The following DISP3 variants were observed in gnomAD, a reference collection of about 807,000 sequenced individuals.
The protein encoded by DISP3 is protein dispatched homolog 3.
DISP3 carries 101 observed loss-of-function variants against 135.3 expected under a neutral mutation model. That is an observed-to-expected ratio of 0.75 (90% CI 0.64 to 0.88). The LOEUF (loss-of-function observed/expected upper bound fraction) is 0.88. DISP3 is among the 40% of genes least tolerant of loss of function. DISP3 has a pLI of 0.00. For synonymous variants in DISP3, 856 were observed against 817.0 expected (o/e 1.05, Z -0.81); for missense variants, 1,713 against 1,878.6 (o/e 0.91, Z 1.63).
chr1:11,492,121 CAA>C (rs59755389), intron 1 of DISP3, among the ~76,000 whole-genome samples: 85 of 62,146 alleles, frequency 1.4e-3, no homozygotes, highest in Middle Eastern at 9.6e-3. Flanking sequence ...GACTCCGTCT[CAA>C]AAAAAAAAAA....
In DISP3 at chr1:11,529,426, T is replaced by C; in HGVS notation, c.2799-130T>C. 8.8e-7 allele frequency: 1 copy of C among 1,131,428 alleles called. No individual in the cohort carries two copies. Among genetic ancestry groups the C allele is most frequent in the Non-Finnish European group, 1.3e-6 (1 of 797,836 alleles). The allele number at this position is 1,131,428 out of a possible 1,614,324, so 70.1% of individuals were successfully genotyped here. Reference sequence around the variant, plus strand: ...CCCTCAACCTGAGAACAAATCCCCATGCCGGGGCAGAGCCCGAGTCCAGAC... The same window carrying C: ...CCCTCAACCTGAGAACAAATCCCCACGCCGGGGCAGAGCCCGAGTCCAGAC... On this transcript the variant is annotated intron_variant, in intron 13 of 20. Transcript: ENST00000294484. This position sits in a 1 kb window ranked among gnomAD's most constrained non-coding sequence, Gnocchi z 4.7.
At chr1:11,498,647 A>G (rs1017165463) in intron 1 of DISP3, among the ~76,000 whole-genome samples, 2 of 152,186 alleles carry the variant, frequency 1.3e-5, no homozygotes, top group African/African-American at 2.4e-5. Context: ...TGTTGCAGCC[A>G]TCTTTGGAAA....
In DISP3 at chr1:11,529,619, T is replaced by G. The variant is rs1334182035; in HGVS notation, c.2862T>G (p.Pro954=). Residue 954 remains proline, a synonymous_variant, in exon 14 of 21, where the codon CCT becomes CCG. Coordinates refer to ENST00000294484, the MANE Select transcript of DISP3 (RefSeq NM_020780.2). The surrounding 1 kb of genome is among the most constrained non-coding windows in gnomAD (Gnocchi z 4.7). ...ACGGGCGCGTATGCATGGCACCCCC[T>G]GGCTGCCTGCTTAGCTCCAGCCCCG... The part of the protein sequence containing the change: ...PFHGRVCMAP[P]GCLLSSSPDG... The G allele has an allele frequency of 9.9e-6, 16 of 1,609,082 alleles. 1 individual carries two copies. In the South Asian group the frequency reaches 1.6e-4, roughly 17 times the overall value.
Position 11,519,356 on chromosome 1 carries a change from T to G in DISP3, c.1891T>G (p.Cys631Gly), listed in dbSNP as rs765263978. 3 of 1,613,588 alleles carry G rather than the reference T, an allele frequency of 1.9e-6. No homozygotes were observed. The South Asian group carries it at 3.3e-5, about 18-fold the overall frequency. The change falls in exon 8 of 21, where the codon TGC (cysteine) becomes GGC (glycine). Residue 631 changes from cysteine (C) to glycine (G), a missense_variant and splice_region_variant. Cys to Gly is a radical substitution (Grantham distance 159). Coordinates refer to ENST00000294484, the MANE Select transcript of DISP3 (RefSeq NM_020780.2). This position sits in a 1 kb window ranked among gnomAD's most constrained non-coding sequence, Gnocchi z 4.3. ...APLESSCQTS[C>G]HQNCSRKTSL... The stretch of plus-strand genomic sequence containing the variant: ...CCCTGTCCCCTACTCTCTCCACAGC[T>G]GCCACCAGAATTGCAGCCGGAAGAC...
At chr1:11,530,825 C>CA in intron 15 of DISP3, 82 bp from the exon 16 acceptor site, 1 of 1,560,750 alleles carries the variant, frequency 6.4e-7, no homozygotes, top group Non-Finnish European at 8.7e-7. Flanking sequence ...GGAGGTTCTG[C>CA]CCCAGGGTTG....
At chr1:11,495,780 A>C (rs1029022528) in intron 1 of DISP3, among the ~76,000 whole-genome samples, 1 of 152,076 alleles carries the variant, frequency 6.6e-6, no homozygotes, top group African/African-American at 2.4e-5. Context: ...CCCCCTGTCC[A>C]AGGTCCTTCT....
Position 11,514,511 on chromosome 1 carries a change from C to G in DISP3, c.1438C>G (p.Leu480Val). Residue 480 changes from leucine (L) to valine (V), a missense_variant, in exon 4 of 21, where the codon CTC (leucine) becomes GTC (valine). Transcript: ENST00000294484. ...SSCIAALVYI[L>V]TSCSVFLSFF... The stretch of plus-strand genomic sequence containing the variant: ...CTGCATTGCTGCCCTGGTCTACATC[C>G]TCACCTCCTGCTCAGGTAGGGCTTC... The G allele has an allele frequency of 1.2e-6, 2 of 1,613,992 alleles. No individual in the cohort carries two copies. Among genetic ancestry groups the G allele is most frequent in the Non-Finnish European group, 1.7e-6 (2 of 1,179,904 alleles).
chr1:11,524,170 T>G, intron 11 of DISP3, 115 bp downstream of exon 11: 1 of 812,094 alleles, frequency 1.2e-6, no homozygotes, highest in Non-Finnish European at 2.0e-6. Flanking sequence ...AGATTGTGTG[T>G]TCCTGGTCAC....
chr1:11,527,567 A>G lies in DISP3; in HGVS notation c.2798+732A>G, dbSNP rs534268974. On this transcript the variant is annotated intron_variant, in intron 13 of 20. Coordinates refer to ENST00000294484, the MANE Select transcript of DISP3 (RefSeq NM_020780.2). ...CATCTCAAAAAAAAAAAAAAAGAGA[A>G]AAAGAAACTGCTGTCCATTTCCACC... Among the ~76,000 whole-genome samples, 43 of 151,432 alleles carry G rather than the reference A, an allele frequency of 2.8e-4. 1 individual carries two copies. In the South Asian group the frequency reaches 8.3e-3, roughly 29 times the overall value.
chr1:11,519,427 T>A lies in DISP3; in HGVS notation c.1962T>A (p.Val654=). 6.2e-7 allele frequency: 1 copy of A among 1,613,830 alleles called. No homozygotes were observed. The highest frequency in any genetic ancestry group is 8.5e-7 in the Non-Finnish European group (1 of 1,180,010). The change falls in exon 8 of 21, where the codon GTT becomes GTA. Residue 654 remains valine (V), a synonymous_variant. Transcript: ENST00000294484. The surrounding 1 kb of genome is among the most constrained non-coding windows in gnomAD (Gnocchi z 4.3). ...ACGTGTTTGCCGCTCCCGAGCAGGT[T>A]GGAGGCAGCCCTGCCCAGGGCCCCA... ...PGDVFAAPEQ[V]GGSPAQGPIP...
At chr1:11,481,072 TAC>T (rs374687395) in intron 1 of DISP3, among the ~76,000 whole-genome samples, 1 of 87,762 alleles carries the variant, frequency 1.1e-5, no homozygotes, top group Non-Finnish European at 2.3e-5. Context: ...CTCACACACA[TAC>T]ACACACACAC....
chr1:11,501,033 T>C lies in DISP3; in HGVS notation c.41T>C (p.Leu14Pro), dbSNP rs1212824552. Residue 14 changes from leucine to proline, a missense_variant, in exon 2 of 21, where the codon CTA (leucine) becomes CCA (proline). Leu to Pro is a moderately conservative substitution (Grantham distance 98, BLOSUM62 -3). This residue lies in a region of DISP3 where 571 missense variants were observed against 494.1 expected (regional missense o/e 1.16). Transcript: ENST00000294484. This position sits in a 1 kb window ranked among gnomAD's most constrained non-coding sequence, Gnocchi z 4.9. ...GACCCCTTGCTGCAGGATGTGTGGC[T>C]AGAGGAGGAGCAGGAGGAGGAAGAA... is the stretch of plus-strand genomic sequence containing the variant. ...EDDPLLQDVW[L>P]EEEQEEEEAT... 6.2e-7 allele frequency: 1 copy of C among 1,613,964 alleles called. No individual in the cohort carries two copies. Among genetic ancestry groups the C allele is most frequent in the Non-Finnish European group, 8.5e-7 (1 of 1,180,004 alleles).
intron 10 of DISP3, among the ~76,000 whole-genome samples, chr1:11,522,628 A>G (rs374722918): frequency 0.13 from 3,021 of 23,476 alleles, 40 homozygotes; most frequent in East Asian, 0.27. Context: ...ACCCAGCCAG[A>G]GCCCAGCCAG....
Position 11,536,719 on chromosome 1 carries a change from GTCCCAT to G in DISP3, c.*34_*39del. The G allele has an allele frequency of 6.7e-7, 1 of 1,490,564 alleles. No individual in the cohort carries two copies. Among genetic ancestry groups the G allele is most frequent in the Admixed American group, 2.3e-5 (1 of 43,010 alleles). The allele number at this position is 1,490,564 out of a possible 1,614,324, so 92.3% of individuals were successfully genotyped here. A position where few individuals can be genotyped will look rare whatever the true frequency, so the allele number is the denominator to read the frequency against. On this transcript the variant is annotated 3_prime_UTR_variant, in exon 21 of 21. Coordinates refer to ENST00000294484, the MANE Select transcript of DISP3 (RefSeq NM_020780.2). This position sits in a 1 kb window ranked among gnomAD's most constrained non-coding sequence, Gnocchi z 4.3. ...CGGGCTCTGGACACTTGCACCTTTGGTCCCATGGGTGGGGGACAGGAGCTGCTTCCC... is the reference window on the plus strand; with the variant it reads ...CGGGCTCTGGACACTTGCACCTTTGGGGGTGGGGGACAGGAGCTGCTTCCC...
At chr1:11,522,627 GAGCCCAGCC>G (rs1557615039) in intron 10 of DISP3, among the ~76,000 whole-genome samples, 411 of 51,498 alleles carry the variant, frequency 8.0e-3, no homozygotes, top group Non-Finnish European at 0.011. Context: ...GACCCAGCCA[GAGCCCAGCC>G]AGAGCCCAGC....
intron 11 of DISP3, among the ~76,000 whole-genome samples, chr1:11,524,727 C>G (rs1418194782): frequency 1.4e-5 from 2 of 138,628 alleles, no homozygotes; most frequent in African/African-American, 5.5e-5. Context: ...CACCCCATCC[C>G]TGTGCCTACC....
intron 3 of DISP3, among the ~76,000 whole-genome samples, chr1:11,510,521 A>G (rs1641829066): frequency 6.6e-6 from 1 of 152,128 alleles, no homozygotes; most frequent in African/African-American, 2.4e-5. Context: ...ACCCCACCCT[A>G]CATTATTTTT....
chr1:11,535,510 T>G lies in DISP3; in HGVS notation c.3682T>G (p.Trp1228Gly). 1 of 1,612,946 alleles carries G rather than the reference T, an allele frequency of 6.2e-7. No individual in the cohort carries two copies. The highest frequency in any genetic ancestry group is 8.5e-7 in the Non-Finnish European group (1 of 1,179,780). Reference protein sequence around the residue: ...IVCLVVTIMYWSGWEMGAVEA... With the variant: ...IVCLVVTIMYGSGWEMGAVEA... ...GTGCCTGGTGGTGACCATCATGTACTGGAGCGGCTGGGAGATGGGGGCTGT... is the reference window on the plus strand; with the variant it reads ...GTGCCTGGTGGTGACCATCATGTACGGGAGCGGCTGGGAGATGGGGGCTGT... Residue 1228 changes from tryptophan (W) to glycine (G), a missense_variant, in exon 20 of 21, where the codon TGG (tryptophan) becomes GGG (glycine). Transcript: ENST00000294484.
Position 11,529,618 on chromosome 1 carries a change from C to T in DISP3, c.2861C>T (p.Pro954Leu), listed in dbSNP as rs1403933602. The change falls in exon 14 of 21, where the codon CCT (proline) becomes CTT (leucine). Residue 954 changes from proline (P) to leucine (L), a missense_variant. By Grantham distance (98) the Pro-to-Leu change is moderately conservative (BLOSUM62 -3). Transcript: ENST00000294484. The surrounding 1 kb of genome is among the most constrained non-coding windows in gnomAD (Gnocchi z 4.7). ...PFHGRVCMAP[P>L]GCLLSSSPDG... ...CACGGGCGCGTATGCATGGCACCCC[C>T]TGGCTGCCTGCTTAGCTCCAGCCCC... The T allele has an allele frequency of 6.2e-7, 1 of 1,608,980 alleles. No individual in the cohort carries two copies. Among genetic ancestry groups the T allele is most frequent in the African/African-American group, 1.3e-5 (1 of 74,850 alleles).
Sources: allele counts gnomAD v4.1 joint callset (sites outside exome capture counted in the v4.1 genomes callset), GRCh38; gene constraint gnomAD v4.1.1; regional missense constraint gnomAD v4.1.1; non-coding constraint Gnocchi (gnomAD v3.1); transcripts MANE v1.5; gene names NCBI Gene and HGNC (gene_info 2026-07-23, HGNC 2026-07-21).